The following CTNND2 variants were observed in gnomAD, a reference collection of about 807,000 sequenced individuals.
CTNND2 encodes catenin delta 2.
Under a neutral mutation model 144.4 loss-of-function variants are expected in CTNND2, and 22 were observed. The observed-to-expected ratio is 0.15, with a 90% CI of 0.11 to 0.22. The LOEUF is 0.22. Among genes scored for constraint, CTNND2 ranks in the 10% least tolerant of loss-of-function variants. The pLI, the probability that CTNND2 is intolerant of heterozygous loss-of-function variation, is 1.00. For synonymous variants in CTNND2, 751 were observed against 695.6 expected, an observed-to-expected ratio of 1.08 and a Z score of -1.25; for missense variants, 1,353 against 1,618.8, an observed-to-expected ratio of 0.84 and a Z score of 2.82.
chr5:11,129,741 G>C (rs749386039), intron 12 of CTNND2, among the ~76,000 whole-genome samples: 3 of 152,134 alleles, frequency 2.0e-5, no homozygotes, highest in African/African-American at 2.4e-5. Flanking sequence ...TTATAAGAGA[G>C]AGAAATGAGG....
chr5:11,648,562 T>C (rs1782480235), intron 2 of CTNND2, among the ~76,000 whole-genome samples: 1 of 152,224 alleles, frequency 6.6e-6, no homozygotes, highest in African/African-American at 2.4e-5. Context: ...TTTTTTAACA[T>C]GCCATAATCT....
At chr5:11,325,515 G>C (rs1462003797) in intron 9 of CTNND2, among the ~76,000 whole-genome samples, 1 of 151,872 alleles carries the variant, frequency 6.6e-6, no homozygotes, top group Admixed American at 6.6e-5. Flanking sequence ...GTGGAGACAG[G>C]GTTTTAAAAA....
chr5:11,192,926 C>T (rs1736457254), intron 11 of CTNND2, among the ~76,000 whole-genome samples: 1 of 152,178 alleles, frequency 6.6e-6, no homozygotes, highest in South Asian at 2.1e-4. Context: ...GGGAACATGC[C>T]TGTGCCTGGG....
intron 14 of CTNND2, among the ~76,000 whole-genome samples, chr5:11,108,420 T>C (rs1752632276): frequency 6.6e-6 from 1 of 152,210 alleles, no homozygotes; most frequent in Non-Finnish European, 1.5e-5. Flanking sequence ...AATCTTCCAG[T>C]CATTTATGCA....
At chr5:11,103,860 G>C (rs1371995913) in intron 14 of CTNND2, among the ~76,000 whole-genome samples, 1 of 152,172 alleles carries the variant, frequency 6.6e-6, no homozygotes, top group African/African-American at 2.4e-5. Context: ...ACTCTTCTCT[G>C]TGAGCCATCC....
At chr5:11,813,751 C>T (rs1286153792) in intron 1 of CTNND2, among the ~76,000 whole-genome samples, 1 of 152,176 alleles carries the variant, frequency 6.6e-6, no homozygotes, top group Non-Finnish European at 1.5e-5. Context: ...TGGCCTCAAG[C>T]GATCCTTCAG....
At chr5:11,192,169 A>G (rs967121437) in intron 11 of CTNND2, among the ~76,000 whole-genome samples, 8 of 152,188 alleles carry the variant, frequency 5.3e-5, no homozygotes, top group African/African-American at 1.7e-4. Flanking sequence ...TAAAGAAGAG[A>G]CAATGGGAAT....
intron 3 of CTNND2, among the ~76,000 whole-genome samples, chr5:11,484,050 C>G (rs746218278): frequency 2.0e-5 from 3 of 152,212 alleles, no homozygotes; most frequent in Non-Finnish European, 2.9e-5. Flanking sequence ...CTGGCTCCCC[C>G]CAGCCAGGCT....
chr5:11,152,248 C>T (rs889332339), intron 12 of CTNND2, among the ~76,000 whole-genome samples: 5 of 152,174 alleles, frequency 3.3e-5, no homozygotes, highest in African/African-American at 1.2e-4. Flanking sequence ...TGATATTATG[C>T]AGTAATTTCA....
chr5:11,817,981 G>GTTTTTTTTTT (rs35360011), intron 1 of CTNND2, among the ~76,000 whole-genome samples: 1 of 31,870 alleles, frequency 3.1e-5, no homozygotes, highest in African/African-American at 8.4e-5. Flanking sequence ...ATTATGAGGT[G>GTTTTTTTTTT]TTTTTTTTTT....
intron 2 of CTNND2, among the ~76,000 whole-genome samples, chr5:11,571,676 G>T (rs548057218): frequency 1.3e-5 from 2 of 152,076 alleles, no homozygotes; most frequent in South Asian, 4.1e-4. Flanking sequence ...CCCACACCCC[G>T]CACCTTCGAG....
chr5:11,588,901 C>T, intron 2 of CTNND2: 1 of 985,426 alleles, frequency 1.0e-6, no homozygotes, highest in Non-Finnish European at 1.2e-6. Context: ...CCTCCCTGCA[C>T]CACGGCTAAA....
At chr5:11,048,941 C>G (rs188720426) in intron 16 of CTNND2, among the ~76,000 whole-genome samples, 1 of 152,208 alleles carries the variant, frequency 6.6e-6, no homozygotes, top group Non-Finnish European at 1.5e-5. Flanking sequence ...GCAGGACAGA[C>G]AGCAGCAGCT....
intron 9 of CTNND2, among the ~76,000 whole-genome samples, chr5:11,324,061 GGT>G (rs994938121): frequency 9.9e-5 from 15 of 152,138 alleles, no homozygotes; most frequent in Admixed American, 8.5e-4. Context: ...CTAGGTCCTA[GGT>G]GACAGGTGGA....
intron 9 of CTNND2, among the ~76,000 whole-genome samples, chr5:11,249,757 T>C (rs905339874): frequency 6.6e-6 from 1 of 152,058 alleles, no homozygotes; most frequent in Non-Finnish European, 1.5e-5. Context: ...TTGAGTGTGG[T>C]TATTTAGCCG....
At chr5:11,534,611 A>G (rs557623198) in intron 3 of CTNND2, among the ~76,000 whole-genome samples, 14 of 150,822 alleles carry the variant, frequency 9.3e-5, no homozygotes, top group East Asian at 7.8e-4. Flanking sequence ...ATTGCAGGGG[A>G]AAAAAAAAGA....
At chr5:11,600,126 C>G (rs1779707550) in intron 2 of CTNND2, among the ~76,000 whole-genome samples, 2 of 152,150 alleles carry the variant, frequency 1.3e-5, no homozygotes, top group Admixed American at 1.3e-4. Flanking sequence ...GAGTTTTCCT[C>G]AGCTGACACT....
At chr5:11,860,839 C>A (rs1025525497) in intron 1 of CTNND2, among the ~76,000 whole-genome samples, 4 of 152,180 alleles carry the variant, frequency 2.6e-5, no homozygotes, top group Non-Finnish European at 5.9e-5. Flanking sequence ...CTAAATATTG[C>A]AAATATAGGG....
intron 9 of CTNND2, among the ~76,000 whole-genome samples, chr5:11,252,372 G>T (rs147700346): frequency 3.3e-5 from 5 of 151,876 alleles, no homozygotes; most frequent in African/African-American, 4.8e-5. Flanking sequence ...AAACTGGGGT[G>T]GGGGGGAGAT....
Sources: gnomAD v4.1 joint callset for allele counts (sites outside exome capture counted in the v4.1 genomes callset) on GRCh38, gnomAD v4.1.1 for gene constraint, MANE v1.5 for transcripts, NCBI Gene and HGNC (gene_info 2026-07-23, HGNC 2026-07-21) for gene names.